The following UBXN2A variants were observed in gnomAD, a reference collection of about 807,000 sequenced individuals.
UBXN2A encodes the protein UBX domain-containing protein 2A.
In UBXN2A, 28 loss-of-function variants were observed where a neutral mutation model predicts 28.4. The observed-to-expected ratio is 0.99, with a 90% CI of 0.73 to 1.35. UBXN2A has a LOEUF of 1.35. Among genes scored for constraint, UBXN2A ranks in the 40% most tolerant of loss-of-function variants. The pLI, the probability that UBXN2A is intolerant of heterozygous loss-of-function variation, is 0.00. For synonymous variants in UBXN2A, 97 were observed against 103.6 expected (o/e 0.94, Z 0.39); for missense variants, 253 against 297.9 (o/e 0.85, Z 1.11).
chr2:23,973,484 G>A (rs530047269), intron 3 of UBXN2A, among the ~76,000 whole-genome samples: 32 of 150,074 alleles, frequency 2.1e-4, no homozygotes, highest in African/African-American at 6.1e-4. Context: ...GACTACAAGC[G>A]CCCGCCACCA....
chr2:23,963,780 G>T (rs1707041444), intron 2 of UBXN2A, among the ~76,000 whole-genome samples: 1 of 152,256 alleles, frequency 6.6e-6, no homozygotes, highest in East Asian at 1.9e-4. Flanking sequence ...AGAATGGATT[G>T]CTGAATAGAT....
chr2:23,969,248 T>C (rs565504669), intron 2 of UBXN2A, among the ~76,000 whole-genome samples: 66 of 152,096 alleles, frequency 4.3e-4, no homozygotes, highest in Non-Finnish European at 8.1e-4. Context: ...AGTATTAAAC[T>C]ACTATAGGCT....
chr2:23,999,523 A>T, intron 6 of UBXN2A, 149 bp from the exon 7 acceptor site: 6 of 830,602 alleles, frequency 7.2e-6, no homozygotes, highest in Non-Finnish European at 1.1e-5. Flanking sequence ...AGTTATTATG[A>T]TGGCACCACT....
chr2:23,989,151 G>A (rs1381093929), intron 6 of UBXN2A, among the ~76,000 whole-genome samples: 5 of 152,024 alleles, frequency 3.3e-5, no homozygotes, highest in African/African-American at 1.2e-4. Flanking sequence ...TTCAAAAATT[G>A]AAGAGGGGAT....
At chr2:23,935,933 C>T (rs1705512367), upstream of UBXN2A, among the ~76,000 whole-genome samples, 1 of 152,020 alleles carries the variant, frequency 6.6e-6, no homozygotes, top group Non-Finnish European at 1.5e-5. Flanking sequence ...CACCTTTAAT[C>T]CCAGCCAGTC....
At chr2:23,956,127 G>T (rs1320350851) in intron 1 of UBXN2A, among the ~76,000 whole-genome samples, 5 of 151,544 alleles carry the variant, frequency 3.3e-5, no homozygotes, top group African/African-American at 1.2e-4. Flanking sequence ...GCCTCCCAAA[G>T]TGCTGGGAGT....
intron 1 of UBXN2A, among the ~76,000 whole-genome samples, chr2:23,947,130 C>G (rs1706126677): frequency 6.6e-6 from 1 of 152,116 alleles, no homozygotes. Flanking sequence ...TCAAGAGATT[C>G]CCACCACCTG....
At chr2:23,938,425 C>T (rs1237644343), upstream of UBXN2A, among the ~76,000 whole-genome samples, 1 of 152,008 alleles carries the variant, frequency 6.6e-6, no homozygotes, top group African/African-American at 2.4e-5. Context: ...GAGATCATGC[C>T]ATTGCACTCC....
intron 6 of UBXN2A, among the ~76,000 whole-genome samples, chr2:23,989,244 A>G (rs1462065729): frequency 6.6e-6 from 1 of 151,152 alleles, no homozygotes; most frequent in East Asian, 1.9e-4. Context: ...ATACATATAC[A>G]TATGTGTGTG....
At chr2:23,950,938 CA>C (rs1172768259) in intron 1 of UBXN2A, among the ~76,000 whole-genome samples, 3 of 151,038 alleles carry the variant, frequency 2.0e-5, no homozygotes, top group Non-Finnish European at 3.0e-5. Context: ...ATTGGCCTCC[CA>C]AAGTGCTAGG....
intron 5 of UBXN2A, among the ~76,000 whole-genome samples, chr2:23,984,246 A>G (rs1434251663): frequency 4.6e-5 from 7 of 152,206 alleles, no homozygotes; most frequent in Non-Finnish European, 8.8e-5. Flanking sequence ...ATCTGGATGC[A>G]TCCTTCAGAA....
intron 5 of UBXN2A, among the ~76,000 whole-genome samples, chr2:23,983,977 A>G (rs974286816): frequency 1.3e-5 from 2 of 152,104 alleles, no homozygotes; most frequent in Non-Finnish European, 2.9e-5. Flanking sequence ...CACCCAGCCT[A>G]TTGTTCTCTT....
chr2:23,962,135 C>T (rs997374893), intron 2 of UBXN2A, among the ~76,000 whole-genome samples: 4 of 152,246 alleles, frequency 2.6e-5, no homozygotes, highest in Non-Finnish European at 5.9e-5. Flanking sequence ...CATGAGCCAC[C>T]GCGCCCAGCC....
At chr2:23,962,148 A>G (rs1384468573) in intron 2 of UBXN2A, among the ~76,000 whole-genome samples, 1 of 152,064 alleles carries the variant, frequency 6.6e-6, no homozygotes, top group Non-Finnish European at 1.5e-5. Flanking sequence ...GCCCAGCCAA[A>G]AACTGCTTTT....
chr2:23,976,067 A>C (rs1707650659), intron 3 of UBXN2A, among the ~76,000 whole-genome samples: 1 of 152,218 alleles, frequency 6.6e-6, no homozygotes, highest in African/African-American at 2.4e-5. Flanking sequence ...TATTATACAT[A>C]ATAAGGATTT....
intron 1 of UBXN2A, 137 bp from the exon 2 acceptor site, chr2:23,958,164 A>G: frequency 2.0e-6 from 1 of 511,540 alleles, no homozygotes; most frequent in Middle Eastern, 5.4e-4. Context: ...CTTTATTTTG[A>G]TGATGAAAAT....
chr2:23,944,268 G>A (rs1705925122), intron 1 of UBXN2A: 2 of 1,604,848 alleles, frequency 1.2e-6, no homozygotes, highest in Admixed American at 1.7e-5. Context: ...CCTAGGAAAA[G>A]GCCTGAAGAT....
At chr2:23,980,372 A>C (rs1707843861) in intron 4 of UBXN2A, among the ~76,000 whole-genome samples, 1 of 152,180 alleles carries the variant, frequency 6.6e-6, no homozygotes, top group South Asian at 2.1e-4. Flanking sequence ...AATGTATTCC[A>C]AAGTGACTGT....
chr2:23,987,637 G>A (rs1193275797), intron 6 of UBXN2A, among the ~76,000 whole-genome samples: 1 of 151,552 alleles, frequency 6.6e-6, no homozygotes, highest in South Asian at 2.1e-4. Flanking sequence ...AATTAGCCGG[G>A]CGTGGTGGCA....
Sources: allele counts gnomAD v4.1 joint callset (sites outside exome capture counted in the v4.1 genomes callset), GRCh38; gene constraint gnomAD v4.1.1; transcripts MANE v1.5; gene names NCBI Gene and HGNC (gene_info 2026-07-23, HGNC 2026-07-21).